The following TTC3 variants were observed in gnomAD, a reference collection of about 807,000 sequenced individuals.
The protein encoded by TTC3 is E3 ubiquitin-protein ligase TTC3.
In TTC3, 180 loss-of-function variants were observed where a neutral mutation model predicts 249.6. The observed-to-expected ratio is 0.72, with a 90% CI of 0.64 to 0.82. The LOEUF is 0.82. Ranked by LOEUF, TTC3 falls within the 40% of genes least tolerant of loss-of-function variation. The pLI is 0.00. For synonymous variants in TTC3, 717 were observed against 805.0 expected (o/e 0.89, Z 1.85); for missense variants, 2,061 against 2,398.4 (o/e 0.86, Z 2.94).
chr21:37,138,589 G>A (rs1434808966), intron 18 of TTC3, 45 bp from the exon 19 acceptor site: 1 of 1,384,362 alleles, frequency 7.2e-7, no homozygotes, highest in Non-Finnish European at 1.0e-6. Flanking sequence ...TGCAAATTGG[G>A]CAGAATTATA....
At chr21:37,121,050 GC>G (rs2076538162) in intron 11 of TTC3, among the ~76,000 whole-genome samples, 1 of 152,166 alleles carries the variant, frequency 6.6e-6, no homozygotes, top group South Asian at 2.1e-4. Context: ...TTTGGGAGGA[GC>G]TAGAAGCAGG....
At chr21:37,170,623 T>G (rs2148101807) in intron 34 of TTC3, among the ~76,000 whole-genome samples, 1 of 152,310 alleles carries the variant, frequency 6.6e-6, no homozygotes, top group African/African-American at 2.4e-5. Flanking sequence ...AATATCATGC[T>G]GTCATTTAAA....
chr21:37,151,446 A>G (rs1471529896), intron 25 of TTC3, among the ~76,000 whole-genome samples: 4 of 152,278 alleles, frequency 2.6e-5, no homozygotes, highest in Middle Eastern at 3.4e-3. Context: ...AGAAAAAGCA[A>G]AAGAAAAGAT....
rs751230730 is a variant in TTC3, at chr21:37,153,236, A to G, written c.2699A>G (p.Glu900Gly). 3.1e-6 allele frequency: 5 copies of G among 1,613,540 alleles called. 1 individual carries two copies. In the Admixed American group the frequency reaches 8.4e-5, roughly 27 times the overall value. The change falls in exon 27 of 46, where the codon GAG (glutamate) becomes GGG (glycine). Residue 900 changes from glutamate to glycine, a missense_variant. Physicochemically the swap from Glu to Gly is moderately conservative, Grantham distance 98. Coordinates refer to ENST00000355666, the Ensembl canonical transcript of TTC3. ...GTTTTGAGTGAGCTTAAAGAAGTGG[A>G]GCCCAAATTAGCCGCCTGGATCCAA...
chr21:37,182,858 G>C (rs1294495134), exon 36 of TTC3: 2 of 1,593,724 alleles, frequency 1.3e-6, no homozygotes, highest in Non-Finnish European at 1.7e-6. Flanking sequence ...AGAAATCCAA[G>C]AAAGACTAAA....
intron 16 of TTC3, among the ~76,000 whole-genome samples, chr21:37,129,564 G>A (rs920835523): frequency 1.3e-5 from 2 of 152,112 alleles, no homozygotes; most frequent in African/African-American, 4.8e-5. Context: ...AATGAATTCT[G>A]ACTACTTCTA....
At chr21:37,094,496 G>A (rs187559335) in intron 8 of TTC3, among the ~76,000 whole-genome samples, 3 of 152,224 alleles carry the variant, frequency 2.0e-5, no homozygotes, top group Non-Finnish European at 4.4e-5. Flanking sequence ...TTGAGTGTTC[G>A]AAATGAAAAG....
chr21:37,141,504 G>A (rs986492948), intron 20 of TTC3, among the ~76,000 whole-genome samples: 10 of 151,652 alleles, frequency 6.6e-5, no homozygotes, highest in South Asian at 4.2e-4. Context: ...GCACAGTGGC[G>A]CACACCTGGA....
At chr21:37,200,699 G>A (rs923402612) in intron 45 of TTC3, among the ~76,000 whole-genome samples, 2 of 152,158 alleles carry the variant, frequency 1.3e-5, no homozygotes, top group African/African-American at 4.8e-5. Context: ...CATTTTAGAG[G>A]AGAAAAACTA....
At chr21:37,144,446 T>G in intron 20 of TTC3, 79 bp from the exon 21 acceptor site, 1,425 of 1,444,716 alleles carry the variant, frequency 9.9e-4, no homozygotes, top group Non-Finnish European at 1.2e-3. Context: ...CCAGTAAGCT[T>G]GAGATCTTTG....
Position 37,158,234 on chromosome 21 carries a change from A to C in TTC3, c.2992+1328A>C, listed in dbSNP as rs971130652. 18 of 984,256 alleles carry C rather than the reference A, an allele frequency of 1.8e-5. No individual in the cohort carries two copies. In the South Asian group the frequency reaches 2.8e-4, roughly 15 times the overall value. The allele number at this position is 984,256 out of a possible 1,614,324, so 61.0% of individuals were successfully genotyped here. A position where few individuals can be genotyped will look rare whatever the true frequency, so the allele number is the denominator to read the frequency against. On this transcript the variant is annotated intron_variant, in intron 28 of 45. Coordinates refer to ENST00000355666, the Ensembl canonical transcript of TTC3. ...AAAATGCTGTCCCGGGACTGAGCTT[A>C]CAAAACCTGATGCATGTTTGGATCA...
chr21:37,162,662 A>AG (rs1569107115), intron 31 of TTC3, among the ~76,000 whole-genome samples: 6 of 220 alleles, frequency 0.027, no homozygotes, highest in African/African-American at 0.075. Flanking sequence ...AGCAGTTAAA[A>AG]ATTACGTGGT....
chr21:37,179,677 T>G (rs1235465619), intron 35 of TTC3, among the ~76,000 whole-genome samples: 1 of 152,166 alleles, frequency 6.6e-6, no homozygotes, highest in Non-Finnish European at 1.5e-5. Context: ...GTTTTTCATT[T>G]TGTTTGTTTT....
intron 13 of TTC3, 135 bp downstream of exon 13, chr21:37,123,163 G>A: frequency 1.2e-6 from 1 of 860,572 alleles, no homozygotes; most frequent in Non-Finnish European, 1.9e-6. Flanking sequence ...AAGAGAGGTA[G>A]TTTTTTAAGT....
chr21:37,198,037 T>C lies in TTC3; in HGVS notation c.5850+12T>C, dbSNP rs1569205737. ...TCCCTGTGAGGATTGTATGTATAAC[T>C]GTATAGTTTTGTTTTTTAATGAAAA... On this transcript the variant is annotated intron_variant, in intron 44 of 45. Transcript: ENST00000355666. 17 of 1,554,908 alleles carry C rather than the reference T, an allele frequency of 1.1e-5. No homozygotes were observed. The highest frequency in any genetic ancestry group is 1.4e-5 in the Non-Finnish European group (16 of 1,150,978).
rs546184190 is a variant in TTC3 at position 37,197,959 on chromosome 21, C to G, written c.5784C>G (p.Pro1928=). 205 of 1,614,054 alleles carry G rather than the reference C, an allele frequency of 1.3e-4. 2 individuals carry two copies. In the South Asian group the frequency reaches 2.1e-3, roughly 16 times the overall value. ...TGACCAGGTCCTCCCAGGGCTCACC[C>G]TCGGTGGTTGTTGCACCATCACCCA... Residue 1928 remains proline (P), a synonymous_variant, in exon 44 of 46, where the codon CCC becomes CCG. Transcript: ENST00000355666.
intron 28 of TTC3, among the ~76,000 whole-genome samples, chr21:37,159,250 C>T (rs1158719018): frequency 6.2e-5 from 4 of 64,160 alleles, no homozygotes; most frequent in African/African-American, 2.5e-4. Flanking sequence ...CCCTCTACCT[C>T]AGAGCTTCTT....
chr21:37,147,373 CATTCTT>C (rs1382884604), intron 21 of TTC3, 102 bp from the exon 22 acceptor site: 15 of 1,076,304 alleles, frequency 1.4e-5, no homozygotes, highest in Non-Finnish European at 1.8e-5. Flanking sequence ...AAAATTTAGT[CATTCTT>C]ATGCTGAAAA....
At chr21:37,158,870 C>T (rs150150627) in intron 28 of TTC3, among the ~76,000 whole-genome samples, 1,559 of 152,160 alleles carry the variant, frequency 0.01, 14 homozygotes, top group East Asian at 0.03. Flanking sequence ...CCCCACTTCC[C>T]GAGGCCAAGA....
Sources: allele counts gnomAD v4.1 joint callset (sites outside exome capture counted in the v4.1 genomes callset), GRCh38; gene constraint gnomAD v4.1.1; transcripts MANE v1.5; gene names NCBI Gene and HGNC (gene_info 2026-07-23, HGNC 2026-07-21).